TRIO: variants seen among roughly 807,000 people sequenced by gnomAD.
TRIO encodes trio Rho guanine nucleotide exchange factor, also known as triple functional domain protein.
In TRIO, 58 loss-of-function variants were observed where a neutral mutation model predicts 351.9. The ratio of observed to expected loss-of-function variants is 0.16; its 90% CI spans 0.13 to 0.21. TRIO has a LOEUF of 0.21. TRIO is among the 10% of genes least tolerant of loss of function. The probability of loss-of-function intolerance (pLI) is 1.00; values close to 1 mark genes in which losing one functional copy is unlikely to be tolerated. For missense variants in TRIO, 3,201 were observed against 4,027.8 expected (o/e 0.79, Z 5.56); for synonymous variants, 1,758 against 1,595.7 (o/e 1.10, Z -2.42).
chr5:14,439,544 A>T (rs114559436), intron 34 of TRIO, among the ~76,000 whole-genome samples: 4 of 152,228 alleles, frequency 2.6e-5, no homozygotes, highest in Admixed American at 6.5e-5. Context: ...TAACGGTTGT[A>T]GTAACTGAAA....
intron 16 of TRIO, 115 bp downstream of exon 16, chr5:14,367,094 C>A: frequency 1.4e-6 from 2 of 1,445,100 alleles, no homozygotes; most frequent in East Asian, 2.4e-5. Flanking sequence ...TTGGTAAAGA[C>A]GACTCAGAGG....
At chr5:14,336,758 G>A (rs1011503663) in intron 11 of TRIO, 31 bp downstream of exon 11, 1 of 1,610,090 alleles carries the variant, frequency 6.2e-7, no homozygotes, top group South Asian at 1.1e-5. Flanking sequence ...AATATGATCT[G>A]TGCTTGAAAG....
chr5:14,423,892 G>A (rs952125217), intron 34 of TRIO, among the ~76,000 whole-genome samples: 21 of 148,430 alleles, frequency 1.4e-4, no homozygotes, highest in Admixed American at 1.3e-3. Flanking sequence ...ATTCGAAGTT[G>A]AATCTGGAAG....
chr5:14,497,117 A>G lies in TRIO; in HGVS notation c.8019+100A>G. On this transcript the variant is annotated intron_variant, in intron 50 of 56. Coordinates refer to ENST00000344204, the MANE Select transcript of TRIO (RefSeq NM_007118.4). The surrounding 1 kb of genome is among the most constrained non-coding windows in gnomAD (Gnocchi z 4.4). ...AGACCTGAAGCTGGGCTTGCTTATG[A>G]CCTCCCTCCCACCCACCAGCCCCGT... The G allele has an allele frequency of 1.3e-6, 2 of 1,501,382 alleles. No individual in the cohort carries two copies. Among genetic ancestry groups the G allele is most frequent in the Non-Finnish European group, 1.8e-6 (2 of 1,120,410 alleles). The allele number at this position is 1,501,382 out of a possible 1,614,324, so 93.0% of individuals were successfully genotyped here.
chr5:14,234,056 A>G (rs571810268), intron 1 of TRIO, among the ~76,000 whole-genome samples: 3 of 152,258 alleles, frequency 2.0e-5, no homozygotes, highest in African/African-American at 4.8e-5. Flanking sequence ...CAGGCCTCCC[A>G]AGGTGCTGAG....
At chr5:14,310,742 G>T (rs941381559) in intron 8 of TRIO, among the ~76,000 whole-genome samples, 72 of 152,370 alleles carry the variant, frequency 4.7e-4, no homozygotes, top group African/African-American at 1.6e-3. Context: ...CTGGAATGCA[G>T]TGGTGCGATT....
intron 2 of TRIO, among the ~76,000 whole-genome samples, chr5:14,275,057 G>A (rs187779254): frequency 6.6e-6 from 1 of 151,962 alleles, no homozygotes; most frequent in African/African-American, 2.4e-5. Context: ...ACACACACAC[G>A]CATTTTAATG....
chr5:14,379,755 A>G (rs146602224), intron 20 of TRIO, among the ~76,000 whole-genome samples: 1 of 152,252 alleles, frequency 6.6e-6, no homozygotes, highest in Non-Finnish European at 1.5e-5. Flanking sequence ...AATGGAATGT[A>G]TTGTTGCATT....
At chr5:14,465,427 G>A (rs1220336459) in intron 36 of TRIO, 118 bp from the exon 37 acceptor site, 12 of 904,190 alleles carry the variant, frequency 1.3e-5, no homozygotes, top group Non-Finnish European at 2.1e-5. Context: ...CAAACTTGTG[G>A]TCTTTTTGTC....
At chr5:14,164,318 C>T (rs1448854640) in intron 1 of TRIO, among the ~76,000 whole-genome samples, 1 of 152,156 alleles carries the variant, frequency 6.6e-6, no homozygotes, top group Non-Finnish European at 1.5e-5. Context: ...CTATAATTTC[C>T]TTGATGAGCA....
At position 14,507,975 on chromosome 5, in the gene TRIO, C is replaced by A; in HGVS notation, c.8847C>A (p.Ile2949=). The change falls in exon 57 of 57, where the codon ATC becomes ATA. Residue 2949 remains isoleucine (I), a synonymous_variant. Coordinates refer to ENST00000344204, the MANE Select transcript of TRIO (RefSeq NM_007118.4). ...DAVQLNTTYY[I]HQLLGNPEFA... is the part of the protein sequence containing the mutation. ...TTCAGCTCAACACGACCTACTACAT[C>A]CACCAGTTACTGGGGAACCCTGAAT... is the stretch of plus-strand genomic sequence containing the variant. The A allele has an allele frequency of 6.2e-7, 1 of 1,614,236 alleles. No individual in the cohort carries two copies.
chr5:14,406,346 A>G, intron 32 of TRIO: 1 of 571,654 alleles, frequency 1.7e-6, no homozygotes, highest in Non-Finnish European at 3.1e-6. Context: ...CATATCAACT[A>G]TATTTTATGG....
chr5:14,423,473 G>A (rs1219719710), intron 34 of TRIO, among the ~76,000 whole-genome samples: 1 of 152,196 alleles, frequency 6.6e-6, no homozygotes, highest in African/African-American at 2.4e-5. Context: ...GTCACAGGAA[G>A]TAAACAGAAA....
intron 1 of TRIO, among the ~76,000 whole-genome samples, chr5:14,247,332 C>G (rs1794497815): frequency 6.6e-6 from 1 of 152,202 alleles, no homozygotes; most frequent in Non-Finnish European, 1.5e-5. Context: ...GAAGATTAGC[C>G]TGAACTATGA....
intron 1 of TRIO, among the ~76,000 whole-genome samples, chr5:14,263,587 G>T (rs939175345): frequency 1.3e-5 from 2 of 152,152 alleles, no homozygotes; most frequent in Non-Finnish European, 2.9e-5. Flanking sequence ...TTGATCTGAT[G>T]TGTATCAAAC....
chr5:14,403,420 G>GGTGGTGAGGGTGTAGGTT (rs1167893144), intron 31 of TRIO, among the ~76,000 whole-genome samples: 1,483 of 88,448 alleles, frequency 0.017, 128 homozygotes, highest in African/African-American at 0.058. Flanking sequence ...TGTAGGTTGT[G>GGTGGTGAGGGTGTAGGTT]GTGAGGGTGT....
At chr5:14,393,394 C>T (rs1231808925) in intron 27 of TRIO, among the ~76,000 whole-genome samples, 1 of 152,192 alleles carries the variant, frequency 6.6e-6, no homozygotes, top group Non-Finnish European at 1.5e-5. Flanking sequence ...AAAAGAAACC[C>T]TTATGCCCTA....
rs142963461 is a variant in TRIO at position 14,286,390 on chromosome 5, T to A, written c.348-481T>A. Among the ~76,000 whole-genome samples, 39 of 152,106 alleles carry A rather than the reference T, an allele frequency of 2.6e-4. No homozygotes were observed. Among genetic ancestry groups the A allele is most frequent in the African/African-American group, 9.4e-4 (39 of 41,468 alleles). ...GCCAGCCATGCTAGTGGGGGGTCAT[T>A]TTCAGCACCTGGGGTGCTGGGAGTC... On this transcript the variant is annotated intron_variant, in intron 3 of 56. Coordinates refer to ENST00000344204, the MANE Select transcript of TRIO (RefSeq NM_007118.4). This position sits in a 1 kb window ranked among gnomAD's most constrained non-coding sequence, Gnocchi z 4.4.
At chr5:14,353,457 T>C (rs1249650741) in intron 11 of TRIO, among the ~76,000 whole-genome samples, 3 of 151,914 alleles carry the variant, frequency 2.0e-5, no homozygotes, top group Non-Finnish European at 4.4e-5. Flanking sequence ...AGAGACAGGG[T>C]TTCACTATAT....
Sources: allele counts gnomAD v4.1 joint callset (sites outside exome capture counted in the v4.1 genomes callset), GRCh38; gene constraint gnomAD v4.1.1; non-coding constraint Gnocchi (gnomAD v3.1); transcripts MANE v1.5; gene names NCBI Gene and HGNC (gene_info 2026-07-23, HGNC 2026-07-21).